KCNN4: variants seen among roughly 807,000 people sequenced by gnomAD.
KCNN4 encodes intermediate conductance calcium-activated potassium channel protein 4.
Under a neutral mutation model 45.2 loss-of-function variants are expected in KCNN4, and 31 were observed. The ratio of observed to expected loss-of-function variants is 0.69; its 90% confidence interval spans 0.52 to 0.92. KCNN4 has a LOEUF of 0.92. KCNN4 is among the 40% of genes least tolerant of loss of function. The probability of loss-of-function intolerance (pLI) is 0.00; values close to 1 mark genes in which losing one functional copy is unlikely to be tolerated. For missense variants in KCNN4, 463 were observed against 574.0 expected (o/e 0.81, Z 1.98); for synonymous variants, 231 against 254.6 (o/e 0.91, Z 0.88).
rs1969488776 is a variant in KCNN4, at chr19:43,766,755, C to G, written c.*338G>C. ...ATCCTGGATCCGGGCCCCTAGTACC[C>G]TCTTTCCCAGGGACCCAGGAGTCCT... On this transcript the variant is annotated 3_prime_UTR_variant, in exon 9 of 9. Transcript: ENST00000648319. The G allele has an allele frequency of 6.6e-6, 1 of 152,638 alleles. No individual in the cohort carries two copies. The highest frequency in any genetic ancestry group is 2.4e-5 in the African/African-American group (1 of 41,414). 9.5% of individuals were successfully genotyped at this position (152,638 alleles called of 1,614,324 possible). A position where few individuals can be genotyped will look rare whatever the true frequency, so the allele number is the denominator to read the frequency against.
At position 43,769,660 on chromosome 19, in the gene KCNN4, G is replaced by A. The variant is rs1169519507; in HGVS notation, c.930+59C>T. ...CTTGGGTCCTAGGGGAAGCAGGGGC[G>A]CCTGGACTCCTGCTTCTTGGAAGAG... On this transcript the variant is annotated intron_variant, in intron 5 of 8. Transcript: ENST00000648319. The surrounding 1 kb of genome is among the most constrained non-coding windows in gnomAD (Gnocchi z 4.4). The A allele has an allele frequency of 2.9e-5, 44 of 1,540,206 alleles. No individual in the cohort carries two copies. The highest frequency in any genetic ancestry group is 5.0e-5 in the Admixed American group (3 of 59,608).
chr19:43,769,420 G>T lies in KCNN4; in HGVS notation c.1049+22C>A. ...TGGACATGGGTGCACATGGACACGT[G>T]TGCATACAAAGCGGCCCTCACGCGT... On this transcript the variant is annotated intron_variant, in intron 6 of 8. Coordinates refer to ENST00000648319, the MANE Select transcript of KCNN4 (RefSeq NM_002250.3). This position sits in a 1 kb window ranked among gnomAD's most constrained non-coding sequence, Gnocchi z 4.4. 3.1e-6 allele frequency: 5 copies of T among 1,589,344 alleles called. No homozygotes were observed. Among genetic ancestry groups the T allele is most frequent in the Non-Finnish European group, 4.3e-6 (5 of 1,158,128 alleles).
chr19:43,776,807 C>T (rs1471534089), intron 1 of KCNN4, 171 bp from the exon 2 acceptor site: 4 of 607,216 alleles, frequency 6.6e-6, no homozygotes, highest in Non-Finnish European at 1.2e-5. Context: ...GTCTCAAAAC[C>T]ATCATCTGGG....
intron 4 of KCNN4, among the ~76,000 whole-genome samples, chr19:43,770,541 T>C (rs771552799): frequency 2.8e-4 from 42 of 152,280 alleles, no homozygotes; most frequent in Non-Finnish European, 5.0e-4. Flanking sequence ...TCCCCAACCC[T>C]ATAGTTTCAG....
At position 43,769,250 on chromosome 19, in the gene KCNN4, T is replaced by C; in HGVS notation, c.1049+192A>G. 1.5e-6 allele frequency: 1 copy of C among 669,690 alleles called. No homozygotes were observed. Among genetic ancestry groups the C allele is most frequent in the South Asian group, 1.7e-5 (1 of 57,192 alleles). The allele number at this position is 669,690 out of a possible 1,614,324, so 41.5% of individuals were successfully genotyped here. On this transcript the variant is annotated intron_variant, in intron 6 of 8. Coordinates refer to ENST00000648319, the MANE Select transcript of KCNN4 (RefSeq NM_002250.3). This position sits in a 1 kb window ranked among gnomAD's most constrained non-coding sequence, Gnocchi z 4.4. ...ACCCAGGTCCGCAGACACACCGAGATATGCGGAGACAAACCAGCACAGACA... is the reference window on the plus strand; with the variant it reads ...ACCCAGGTCCGCAGACACACCGAGACATGCGGAGACAAACCAGCACAGACA...
intron 4 of KCNN4, 54 bp downstream of exon 4, chr19:43,771,946 C>T: frequency 1.3e-6 from 2 of 1,529,092 alleles, no homozygotes; most frequent in Non-Finnish European, 1.8e-6. Flanking sequence ...TTCCTGGGGC[C>T]AGAGGATGAC....
In KCNN4 at chr19:43,774,568, G is replaced by T. The variant is rs778164116; in HGVS notation, c.307C>A (p.Arg103=). 6.5e-7 allele frequency: 1 copy of T among 1,547,950 alleles called. No homozygotes were observed. Among genetic ancestry groups the T allele is most frequent in the Non-Finnish European group, 8.6e-7 (1 of 1,156,816 alleles). Residue 103 remains arginine, a synonymous_variant, in exon 3 of 9, where the codon CGG becomes AGG. Transcript: ENST00000648319. The surrounding 1 kb of genome is among the most constrained non-coding windows in gnomAD (Gnocchi z 5.6). ...LRDWRVALTG[R]QAAQIVLELV... is the part of the protein sequence containing the mutation. ...TCCAGCACGATCTGCGCCGCCTGCCGCCCGGTCAGCGCCACGCGCCAGTCC... is the reference window on the plus strand; with the variant it reads ...TCCAGCACGATCTGCGCCGCCTGCCTCCCGGTCAGCGCCACGCGCCAGTCC...
chr19:43,772,262 C>T lies in KCNN4; in HGVS notation c.684-127G>A, dbSNP rs752732391. The T allele has an allele frequency of 1.0e-6, 1 of 1,003,694 alleles. No individual in the cohort carries two copies. The highest frequency in any genetic ancestry group is 2.8e-5 in the East Asian group (1 of 35,782). 62.2% of individuals were successfully genotyped at this position (1,003,694 alleles called of 1,614,324 possible). On this transcript the variant is annotated intron_variant, in intron 3 of 8. Coordinates refer to ENST00000648319, the MANE Select transcript of KCNN4 (RefSeq NM_002250.3). This position sits in a 1 kb window ranked among gnomAD's most constrained non-coding sequence, Gnocchi z 4.4. ...CCTCCCTTCCCCTCCCAGTATACAC[C>T]CATAGTCCTAAGAATCACCTGGACA...
intron 1 of KCNN4, among the ~76,000 whole-genome samples, chr19:43,778,900 A>G (rs1969890227): frequency 6.6e-6 from 1 of 152,060 alleles, no homozygotes; most frequent in African/African-American, 2.4e-5. Context: ...GGATGTTATT[A>G]AGAGAGTCCT....
At position 43,772,768 on chromosome 19, in the gene KCNN4, A is replaced by C. The variant is rs1261863162; in HGVS notation, c.684-633T>G. Reference sequence around the variant, plus strand: ...AAAGCTTCATTCATGAGGGCCCCTGACACCCCAGACCCACCGGGTTGGAGT... The same window carrying C: ...AAAGCTTCATTCATGAGGGCCCCTGCCACCCCAGACCCACCGGGTTGGAGT... On this transcript the variant is annotated intron_variant, in intron 3 of 8. Transcript: ENST00000648319. The surrounding 1 kb of genome is among the most constrained non-coding windows in gnomAD (Gnocchi z 4.4). Among the ~76,000 whole-genome samples, 2 of 152,088 alleles carry C rather than the reference A, an allele frequency of 1.3e-5. No homozygotes were observed. The highest frequency in any genetic ancestry group is 4.8e-5 in the African/African-American group (2 of 41,384).
chr19:43,774,771 C>T lies in KCNN4; in HGVS notation c.256-152G>A, dbSNP rs1338425036. ...GGGCGGGAGAGGGATAGGGAGGGAG[C>T]GGGACAGGACTTGAGGAAGACATCT... On this transcript the variant is annotated intron_variant, in intron 2 of 8. Transcript: ENST00000648319. The surrounding 1 kb of genome is among the most constrained non-coding windows in gnomAD (Gnocchi z 5.6). 4 of 593,490 alleles carry T rather than the reference C, an allele frequency of 6.7e-6. No individual in the cohort carries two copies. Among genetic ancestry groups the T allele is most frequent in the African/African-American group, 2.0e-5 (1 of 50,236 alleles). 36.8% of individuals were successfully genotyped at this position (593,490 alleles called of 1,614,324 possible). A position where few individuals can be genotyped will look rare whatever the true frequency, so the allele number is the denominator to read the frequency against.
At chr19:43,767,426 G>A (rs1969510349) in intron 8 of KCNN4, 114 bp downstream of exon 8, 4 of 1,327,480 alleles carry the variant, frequency 3.0e-6, no homozygotes, top group Non-Finnish European at 2.0e-6. Flanking sequence ...CAGAGCTGAT[G>A]AGAAAAGGCG....
intron 3 of KCNN4, among the ~76,000 whole-genome samples, chr19:43,773,433 T>C (rs991704226): frequency 2.6e-5 from 4 of 152,176 alleles, no homozygotes; most frequent in Non-Finnish European, 4.4e-5. Context: ...CTTTGCCACA[T>C]ACACTAGACC....
intron 1 of KCNN4, among the ~76,000 whole-genome samples, chr19:43,778,696 GTC>G (rs1969885480): frequency 3.3e-5 from 5 of 151,808 alleles, no homozygotes; most frequent in Admixed American, 3.3e-4. Context: ...CTGTGTCTCT[GTC>G]TCTCTCTGTA....
At position 43,769,425 on chromosome 19, in the gene KCNN4, T is replaced by A. The variant is rs766962550; in HGVS notation, c.1049+17A>T. On this transcript the variant is annotated intron_variant, in intron 6 of 8. Coordinates refer to ENST00000648319, the MANE Select transcript of KCNN4 (RefSeq NM_002250.3). The surrounding 1 kb of genome is among the most constrained non-coding windows in gnomAD (Gnocchi z 4.4). ...ATGGGTGCACATGGACACGTGTGCA[T>A]ACAAAGCGGCCCTCACGCGTTGATG... 3 of 1,603,154 alleles carry A rather than the reference T, an allele frequency of 1.9e-6. No individual in the cohort carries two copies. The highest frequency in any genetic ancestry group is 1.1e-5 in the South Asian group (1 of 90,868).
chr19:43,770,036 T>G lies in KCNN4; in HGVS notation c.820-207A>C, dbSNP rs1969601189. Among the ~76,000 whole-genome samples the G allele has an allele frequency of 3.3e-5, 5 of 152,204 alleles. No individual in the cohort carries two copies. In the South Asian group the frequency reaches 1.0e-3, roughly 32 times the overall value. ...CCGAGCCCAAATTTGATGCATAGCA[T>G]TCACACCCTCAGGGTGGCCTCTTGA... is the stretch of plus-strand genomic sequence containing the variant. On this transcript the variant is annotated intron_variant, in intron 4 of 8. Transcript: ENST00000648319.
intron 1 of KCNN4, among the ~76,000 whole-genome samples, chr19:43,778,450 A>G (rs1379207798): frequency 6.6e-6 from 1 of 152,150 alleles, no homozygotes; most frequent in Admixed American, 6.5e-5. Context: ...TGTGTTAGCC[A>G]GGATGGTCTC....
At chr19:43,775,952 C>T (rs896371095) in intron 2 of KCNN4, among the ~76,000 whole-genome samples, 2 of 151,818 alleles carry the variant, frequency 1.3e-5, no homozygotes. Flanking sequence ...CATAGTGAAA[C>T]CCCGTTTCTA....
chr19:43,778,754 A>G (rs1470656820), intron 1 of KCNN4, among the ~76,000 whole-genome samples: 1 of 151,892 alleles, frequency 6.6e-6, no homozygotes, highest in Non-Finnish European at 1.5e-5. Context: ...GCTTTTGGAT[A>G]TCTCTATCCA....
Sources: allele counts gnomAD v4.1 joint callset (sites outside exome capture counted in the v4.1 genomes callset), GRCh38; gene constraint gnomAD v4.1.1; non-coding constraint Gnocchi (gnomAD v3.1); transcripts MANE v1.5; gene names NCBI Gene and HGNC (gene_info 2026-07-23, HGNC 2026-07-21).